The following ADAMTSL1 variants were observed in gnomAD, a reference collection of about 807,000 sequenced individuals.
ADAMTSL1 encodes ADAMTS like 1, also known as ADAMTS-like protein 1.
In ADAMTSL1, 126 loss-of-function variants were observed where a neutral mutation model predicts 201.8. That is an observed-to-expected ratio of 0.62 (90% CI 0.54 to 0.72). ADAMTSL1 has a LOEUF of 0.72. Among genes scored for constraint, ADAMTSL1 ranks in the 30% least tolerant of loss-of-function variants. ADAMTSL1 has a pLI of 0.00. For missense variants in ADAMTSL1, 2,679 were observed against 2,277.8 expected, an observed-to-expected ratio of 1.18 and a Z score of -3.59; for synonymous variants, 1,121 against 903.4, an observed-to-expected ratio of 1.24 and a Z score of -4.32.
At position 17,912,293 on chromosome 9, in the gene ADAMTSL1, G is replaced by T. The variant is rs1431698258; in HGVS notation, c.87+5371G>T. The stretch of plus-strand genomic sequence containing the variant: ...TCCACAAGGGTTGAACTAGTTTACA[G>T]TCCCACCAACAGTGTAAAAGTGTTC... On this transcript the variant is annotated intron_variant, in intron 1 of 29. Transcript: ENST00000680146. Among the ~76,000 whole-genome samples, 3 of 65,646 alleles carry T rather than the reference G, an allele frequency of 4.6e-5. 1 individual carries two copies. Among genetic ancestry groups the T allele is most frequent in the African/African-American group, 9.1e-5 (3 of 32,846 alleles). 43.1% of individuals were successfully genotyped at this position (65,646 alleles called of 152,430 possible). A position where few individuals can be genotyped will look rare whatever the true frequency, so the allele number is the denominator to read the frequency against.
chr9:18,634,026 G>A (rs1432919317), intron 5 of ADAMTSL1, among the ~76,000 whole-genome samples: 2 of 152,066 alleles, frequency 1.3e-5, no homozygotes, highest in Middle Eastern at 3.2e-3. Flanking sequence ...CTAGATTCAT[G>A]TCTATATTTA....
intron 23 of ADAMTSL1, among the ~76,000 whole-genome samples, chr9:18,847,980 A>C (rs972779140): frequency 1.3e-5 from 2 of 152,238 alleles, no homozygotes. Flanking sequence ...GAAGTGATTT[A>C]GTTTATTGGA....
chr9:18,716,440 G>C (rs199830632), intron 14 of ADAMTSL1, among the ~76,000 whole-genome samples: 33 of 152,202 alleles, frequency 2.2e-4, no homozygotes, highest in African/African-American at 7.0e-4. Context: ...CATGAACACA[G>C]ACTTCTCAAA....
At chr9:18,171,719 A>G (rs1335166809) in intron 2 of ADAMTSL1, among the ~76,000 whole-genome samples, 1 of 152,026 alleles carries the variant, frequency 6.6e-6, no homozygotes, top group East Asian at 1.9e-4. Flanking sequence ...TTTTGTTGCC[A>G]TTGCTTTTGG....
intron 2 of ADAMTSL1, among the ~76,000 whole-genome samples, chr9:18,216,412 T>G (rs1830056457): frequency 6.6e-6 from 1 of 152,184 alleles, no homozygotes; most frequent in Non-Finnish European, 1.5e-5. Flanking sequence ...TTCACCACAA[T>G]TCTTTTGCAC....
chr9:18,094,418 G>C (rs577021769), intron 1 of ADAMTSL1, among the ~76,000 whole-genome samples: 1 of 152,108 alleles, frequency 6.6e-6, no homozygotes, highest in African/African-American at 2.4e-5. Context: ...ACAGTTGTCT[G>C]CCCTCTTTCT....
chr9:18,399,315 ATATATATATATAT>A (rs2133257352), intron 2 of ADAMTSL1, among the ~76,000 whole-genome samples: 1 of 115,796 alleles, frequency 8.6e-6, no homozygotes, highest in African/African-American at 3.5e-5. Context: ...ATATATATAT[ATATATATATATAT>A]AAAATTATTA....
chr9:17,964,832 A>G (rs1817915522), intron 1 of ADAMTSL1, among the ~76,000 whole-genome samples: 2 of 152,142 alleles, frequency 1.3e-5, no homozygotes, highest in South Asian at 4.1e-4. Flanking sequence ...ATCTTGTTTA[A>G]AAACAACATT....
At chr9:18,294,351 A>G (rs1348336825) in intron 2 of ADAMTSL1, among the ~76,000 whole-genome samples, 2 of 152,186 alleles carry the variant, frequency 1.3e-5, no homozygotes, top group African/African-American at 4.8e-5. Flanking sequence ...TCCTGCATCT[A>G]CTTATTGTGG....
At chr9:18,077,187 T>A (rs9987765) in intron 1 of ADAMTSL1, among the ~76,000 whole-genome samples, 1 of 151,636 alleles carries the variant, frequency 6.6e-6, no homozygotes, top group African/African-American at 2.4e-5. Flanking sequence ...TGATAGCATA[T>A]AAAAGTCTGA....
At chr9:18,009,085 G>A (rs146919583) in intron 1 of ADAMTSL1, among the ~76,000 whole-genome samples, 23 of 152,062 alleles carry the variant, frequency 1.5e-4, no homozygotes, top group Middle Eastern at 6.8e-3. Flanking sequence ...TCATTATTGT[G>A]TCATTCATGC....
At chr9:18,366,424 C>T (rs1037245908) in intron 2 of ADAMTSL1, among the ~76,000 whole-genome samples, 1 of 151,656 alleles carries the variant, frequency 6.6e-6, no homozygotes, top group African/African-American at 2.4e-5. Flanking sequence ...ATACTATAAT[C>T]CTCATTTATG....
Position 18,584,980 on chromosome 9 carries a change from C to G in ADAMTSL1, c.474+10714C>G, listed in dbSNP as rs1424254188. Among the ~76,000 whole-genome samples the G allele has an allele frequency of 4.6e-5, 7 of 152,196 alleles. No homozygotes were observed. The East Asian group carries it at 1.2e-3, about 25-fold the overall frequency. On this transcript the variant is annotated intron_variant, in intron 4 of 28. Transcript: ENST00000380548. ...CAGCACAAATATACTTTGGTAACAT[C>G]TATATTTCTATCAACTGTCTCTTCG...
At chr9:18,483,893 T>C (rs192408668) in intron 1 of ADAMTSL1, among the ~76,000 whole-genome samples, 52 of 152,294 alleles carry the variant, frequency 3.4e-4, no homozygotes, top group Middle Eastern at 6.8e-3. Context: ...AATATCAGGG[T>C]GACCTGGCAA....
chr9:18,183,239 A>G (rs367973906), intron 2 of ADAMTSL1, among the ~76,000 whole-genome samples: 178 of 152,326 alleles, frequency 1.2e-3, no homozygotes, highest in Middle Eastern at 0.01. Flanking sequence ...TTCAAAATGG[A>G]TTATGGACCT....
At chr9:18,285,522 C>A (rs1172467043) in intron 2 of ADAMTSL1, among the ~76,000 whole-genome samples, 1 of 152,028 alleles carries the variant, frequency 6.6e-6, no homozygotes, top group African/African-American at 2.4e-5. Context: ...CTTTTAAATA[C>A]AATTATTAGC....
At chr9:18,468,040 C>T (rs1359454930) in intron 2 of ADAMTSL1, among the ~76,000 whole-genome samples, 1 of 152,110 alleles carries the variant, frequency 6.6e-6, no homozygotes, top group East Asian at 1.9e-4. Context: ...ATATTACAAC[C>T]ATAATTCAAA....
At chr9:18,229,532 AGAG>A (rs1830564077) in intron 2 of ADAMTSL1, among the ~76,000 whole-genome samples, 1 of 152,104 alleles carries the variant, frequency 6.6e-6, no homozygotes, top group Non-Finnish European at 1.5e-5. Context: ...AGAGTCTGTC[AGAG>A]GAGATTTTAA....
At chr9:18,089,463 CG>C (rs966088560) in intron 1 of ADAMTSL1, among the ~76,000 whole-genome samples, 1 of 48,718 alleles carries the variant, frequency 2.1e-5, no homozygotes, top group East Asian at 5.1e-4. Flanking sequence ...TGGGGCCTGT[CG>C]GGGGGTGGGG....
Sources: gnomAD v4.1 joint callset for allele counts (sites outside exome capture counted in the v4.1 genomes callset) on GRCh38, gnomAD v4.1.1 for gene constraint, MANE v1.5 for transcripts, NCBI Gene and HGNC (gene_info 2026-07-23, HGNC 2026-07-21) for gene names.